MIER2: variants seen among roughly 807,000 people sequenced by gnomAD.
The protein encoded by MIER2 is mesoderm induction early response protein 2.
A neutral mutation model predicts 67.6 loss-of-function variants in MIER2; 30 were observed. The ratio of observed to expected loss-of-function variants is 0.44; its 90% confidence interval spans 0.33 to 0.60. MIER2 has a LOEUF of 0.60. Among genes scored for constraint, MIER2 ranks in the 20% least tolerant of loss-of-function variants. MIER2 has a pLI of 0.02. For missense variants in MIER2, 702 were observed against 745.1 expected (o/e 0.94, Z 0.67); for synonymous variants, 372 against 312.6 (o/e 1.19, Z -2.00).
intron 7 of MIER2, among the ~76,000 whole-genome samples, chr19:324,016 AC>A (rs1971615523): frequency 6.6e-6 from 1 of 151,226 alleles, no homozygotes; most frequent in Non-Finnish European, 1.5e-5. Flanking sequence ...ACACACAACC[AC>A]GCAGACGACT....
intron 7 of MIER2, among the ~76,000 whole-genome samples, chr19:314,425 C>T (rs1419929774): frequency 6.6e-6 from 1 of 152,240 alleles, no homozygotes; most frequent in Non-Finnish European, 1.5e-5. Flanking sequence ...GTGCCAGCAC[C>T]TCTCAATTAT....
chr19:321,867 G>GA lies in MIER2; in HGVS notation c.655+3767dup, dbSNP rs553656425. 2.9e-3 allele frequency among the ~76,000 whole-genome samples: 435 copies of GA among 152,120 alleles called. 2 individuals are homozygous for GA. Among genetic ancestry groups the GA allele is most frequent in the Non-Finnish European group, 4.8e-3 (326 of 67,984 alleles). On this transcript the variant is annotated intron_variant, in intron 7 of 13. Transcript: ENST00000264819. ...AAGGCGTCACTGCAGCTCAGTGGGG[G>GA]AGACAATGGACTTTTGTTGTTTTTA...
intron 7 of MIER2, among the ~76,000 whole-genome samples, chr19:321,387 G>A (rs945830758): frequency 1.3e-5 from 2 of 152,208 alleles, no homozygotes; most frequent in Admixed American, 1.3e-4. Flanking sequence ...GCTCACACCT[G>A]TAATCCCGGC....
chr19:327,518 G>A (rs989409676), intron 4 of MIER2, among the ~76,000 whole-genome samples: 1 of 152,222 alleles, frequency 6.6e-6, no homozygotes, highest in Non-Finnish European at 1.5e-5. Context: ...TTCTCTGACT[G>A]TGCATTTGGT....
chr19:307,665 CAA>C (rs1970717236), intron 12 of MIER2, 129 bp from the exon 13 acceptor site: 1 of 981,266 alleles, frequency 1.0e-6, no homozygotes, highest in Admixed American at 3.2e-5. Context: ...CACACAAATA[CAA>C]AAGACACCAG....
At chr19:319,499 C>T (rs1971409220) in intron 7 of MIER2, among the ~76,000 whole-genome samples, 1 of 152,210 alleles carries the variant, frequency 6.6e-6, no homozygotes, top group Admixed American at 6.5e-5. Context: ...CGCTCTGTCA[C>T]CCAGGCTGGA....
intron 3 of MIER2, among the ~76,000 whole-genome samples, chr19:333,402 T>G (rs1972109710): frequency 1.8e-5 from 1 of 55,246 alleles, no homozygotes; most frequent in Non-Finnish European, 3.1e-5. Flanking sequence ...AGTGCTGGGA[T>G]TACAGGCATG....
At chr19:315,441 C>T (rs1036049811) in intron 7 of MIER2, among the ~76,000 whole-genome samples, 4 of 152,190 alleles carry the variant, frequency 2.6e-5, no homozygotes, top group African/African-American at 7.2e-5. Flanking sequence ...AGTCAGCACA[C>T]GAAGACTTCA....
At chr19:317,420 A>T (rs926843125) in intron 7 of MIER2, among the ~76,000 whole-genome samples, 1 of 142,102 alleles carries the variant, frequency 7.0e-6, no homozygotes, top group African/African-American at 2.4e-5. Flanking sequence ...CCAGCTACTC[A>T]GGAGGCTGAA....
intron 1 of MIER2, among the ~76,000 whole-genome samples, chr19:337,032 G>C (rs955684658): frequency 2.6e-5 from 4 of 152,010 alleles, no homozygotes; most frequent in African/African-American, 9.7e-5. Context: ...TACTAGAGAT[G>C]AGGGTTTCAC....
chr19:344,501 A>G (rs1043771564), intron 1 of MIER2: 23 of 457,486 alleles, frequency 5.0e-5, no homozygotes, highest in Non-Finnish European at 1.7e-5. Flanking sequence ...CCCCTCCCCC[A>G]CCCCGGCCCC....
intron 3 of MIER2, among the ~76,000 whole-genome samples, chr19:332,569 T>C (rs1360629635): frequency 6.8e-6 from 1 of 148,074 alleles, no homozygotes; most frequent in Non-Finnish European, 1.5e-5. Context: ...CCCAAAGTGC[T>C]GGGATTACAA....
chr19:317,850 TA>T (rs1971324624), intron 7 of MIER2, among the ~76,000 whole-genome samples: 2 of 152,038 alleles, frequency 1.3e-5, no homozygotes, highest in Admixed American at 1.3e-4. Context: ...ACAAGTGATT[TA>T]AAAAATGTAC....
At position 342,601 on chromosome 19, in the gene MIER2, G is replaced by C. The variant is rs560814189; in HGVS notation, c.9+2173C>G. 8.5e-4 allele frequency among the ~76,000 whole-genome samples: 127 copies of C among 149,512 alleles called. 1 individual carries two copies. Among genetic ancestry groups the C allele is most frequent in the African/African-American group, 2.9e-3 (116 of 40,522 alleles). ...AGATGGTGCTCTTAGGTTTTTAAAA[G>C]ATCAATCTAGTATGCCTGAGAAAAG... On this transcript the variant is annotated intron_variant, in intron 1 of 13. Transcript: ENST00000264819.
chr19:312,022 TCAGCGGCGCCCAGGGCGGGGCCGCAGC>T (rs1568218126), intron 9 of MIER2, 83 bp from the exon 10 acceptor site: 19 of 1,097,848 alleles, frequency 1.7e-5, no homozygotes, highest in East Asian at 1.5e-4. Context: ...GGGAGAACAG[TCAGCGGCGCCCAGGGCGGGGCCGCAGC>T]GGAAGGAAGG....
At position 335,631 on chromosome 19, in the gene MIER2, G is replaced by A. The variant is rs552322102; in HGVS notation, c.100+452C>T. Among the ~76,000 whole-genome samples, 289 of 152,308 alleles carry A rather than the reference G, an allele frequency of 1.9e-3. 1 individual carries two copies. Among genetic ancestry groups the A allele is most frequent in the Non-Finnish European group, 3.7e-3 (250 of 68,016 alleles). On this transcript the variant is annotated intron_variant, in intron 2 of 13. Transcript: ENST00000264819. ...GTCAGCTCCTCCCCGCAGGCCCAAC[G>A]CAGGTGGCTGGCAGGCGGGCATGGG...
At chr19:327,763 C>T (rs1419227545) in intron 4 of MIER2, 101 bp downstream of exon 4, 1 of 1,526,000 alleles carries the variant, frequency 6.6e-7, no homozygotes, top group African/African-American at 1.4e-5. Flanking sequence ...TTCTGGGGGC[C>T]TTTGTGCCTC....
intron 7 of MIER2, among the ~76,000 whole-genome samples, chr19:318,910 AG>A (rs1185766539): frequency 2.0e-5 from 3 of 151,876 alleles, no homozygotes; most frequent in Non-Finnish European, 4.4e-5. Flanking sequence ...ACAAAAAACT[AG>A]CCGGGCGTGG....
At chr19:325,787 C>T (rs1258090689) in intron 6 of MIER2, 83 bp from the exon 7 acceptor site, 2 of 1,496,478 alleles carry the variant, frequency 1.3e-6, no homozygotes, top group African/African-American at 1.4e-5. Flanking sequence ...CTGTGGCAGG[C>T]TTACGGGGAG....
Sources: gnomAD v4.1 joint callset for allele counts (sites outside exome capture counted in the v4.1 genomes callset) on GRCh38, gnomAD v4.1.1 for gene constraint, MANE v1.5 for transcripts, NCBI Gene and HGNC (gene_info 2026-07-23, HGNC 2026-07-21) for gene names.